SLC4A4: variants seen among roughly 807,000 people sequenced by gnomAD.
The protein encoded by SLC4A4 is electrogenic sodium bicarbonate cotransporter 1.
In SLC4A4, 27 loss-of-function variants were observed where a neutral mutation model predicts 111.5. That is an observed-to-expected ratio of 0.24 (90% confidence interval 0.18 to 0.33). The LOEUF (loss-of-function observed/expected upper bound fraction) is 0.33. Among genes scored for constraint, SLC4A4 ranks in the 10% least tolerant of loss-of-function variants. SLC4A4 has a pLI of 1.00. For missense variants in SLC4A4, 909 were observed against 1,315.5 expected, an observed-to-expected ratio of 0.69 and a Z score of 4.78; for synonymous variants, 443 against 463.4, an observed-to-expected ratio of 0.96 and a Z score of 0.57.
intron 16 of SLC4A4, among the ~76,000 whole-genome samples, chr4:71,518,390 A>G (rs1444009553): frequency 2.0e-5 from 3 of 151,888 alleles, no homozygotes; most frequent in Non-Finnish European, 4.4e-5. Flanking sequence ...CTGACCTGGT[A>G]CTGGGCAAGC....
chr4:71,357,518 G>C (rs1193624634), intron 6 of SLC4A4, among the ~76,000 whole-genome samples: 2 of 152,150 alleles, frequency 1.3e-5, no homozygotes, highest in Admixed American at 1.3e-4. Context: ...AGATTATTGA[G>C]TACCTCTGTG....
intron 6 of SLC4A4, among the ~76,000 whole-genome samples, chr4:71,371,552 C>T (rs770414538): frequency 9.9e-5 from 15 of 152,224 alleles, no homozygotes; most frequent in Non-Finnish European, 1.8e-4. Context: ...CCCAGGAATG[C>T]CTTTTCCAGT....
intron 12 of SLC4A4, among the ~76,000 whole-genome samples, chr4:71,455,382 G>A (rs1351213196): frequency 1.3e-5 from 2 of 152,102 alleles, no homozygotes; most frequent in African/African-American, 2.4e-5. Context: ...ACATTAAATT[G>A]TAGTAGTGAT....
upstream of SLC4A4, among the ~76,000 whole-genome samples, chr4:71,183,331 C>G (rs1025273752): frequency 1.3e-5 from 2 of 152,214 alleles, no homozygotes; most frequent in Non-Finnish European, 2.9e-5. Flanking sequence ...TTGGGACACA[C>G]GTTTAACCAA....
chr4:71,360,338 T>C (rs1049784422), intron 6 of SLC4A4, among the ~76,000 whole-genome samples: 1 of 152,192 alleles, frequency 6.6e-6, no homozygotes, highest in Non-Finnish European at 1.5e-5. Context: ...GCTTGATTTT[T>C]AAATTTTTTT....
chr4:71,311,890 T>TGTGAGAGAGAGAGA (rs1553888177), intron 3 of SLC4A4, among the ~76,000 whole-genome samples: 1 of 76,540 alleles, frequency 1.3e-5, no homozygotes, highest in Admixed American at 1.4e-4. Context: ...TGCAAGGCTG[T>TGTGAGAGAGAGAGA]GAGAGAGAGA....
chr4:71,212,847 G>T (rs1290647993), intron 1 of SLC4A4, among the ~76,000 whole-genome samples: 5 of 152,148 alleles, frequency 3.3e-5, no homozygotes, highest in Non-Finnish European at 5.9e-5. Flanking sequence ...GGTGAGAGAA[G>T]TAAATACAGT....
intron 6 of SLC4A4, among the ~76,000 whole-genome samples, chr4:71,395,395 T>C (rs941338807): frequency 2.6e-5 from 4 of 152,178 alleles, no homozygotes; most frequent in Non-Finnish European, 5.9e-5. Context: ...CAGAGAAAGT[T>C]AGGAGAGGAA....
intron 3 of SLC4A4, among the ~76,000 whole-genome samples, chr4:71,259,503 C>A (rs990550973): frequency 1.3e-5 from 2 of 151,588 alleles, no homozygotes; most frequent in Non-Finnish European, 2.9e-5. Flanking sequence ...GAGAGAGAAG[C>A]TGGGGAAGGA....
Position 71,357,076 on chromosome 4 carries a change from A to T in SLC4A4, c.619A>T (p.Thr207Ser). 1 of 1,614,176 alleles carries T rather than the reference A, an allele frequency of 6.2e-7. No homozygotes were observed. The highest frequency in any genetic ancestry group is 8.5e-7 in the Non-Finnish European group (1 of 1,180,010). The change falls in exon 6 of 26, where the codon ACT becomes TCT. Residue 207 changes from threonine to serine, a missense_variant. Thr to Ser is a moderately conservative substitution (Grantham distance 58). This residue lies in a region of SLC4A4 where 312 missense variants were observed against 402.0 expected (regional missense o/e 0.78). Coordinates refer to ENST00000264485, the MANE Select transcript of SLC4A4 (RefSeq NM_001098484.3). ...TGAACTTAAGGATAAGGTGACCTATACTTTGCTCCGGAAGCACCGGCATCA... is the reference window on the plus strand; with the variant it reads ...TGAACTTAAGGATAAGGTGACCTATTCTTTGCTCCGGAAGCACCGGCATCA... ...KPELKDKVTY[T>S]LLRKHRHQTK...
intron 6 of SLC4A4, among the ~76,000 whole-genome samples, chr4:71,389,929 A>G (rs2148965661): frequency 6.6e-6 from 1 of 152,326 alleles, no homozygotes; most frequent in East Asian, 1.9e-4. Flanking sequence ...AAAAGAAAAT[A>G]AGCAAAAATA....
At chr4:71,157,998 T>A (rs2148975960) in intron 2 of SLC4A4, among the ~76,000 whole-genome samples, 1 of 152,224 alleles carries the variant, frequency 6.6e-6, no homozygotes, top group Non-Finnish European at 1.5e-5. Context: ...CCCTGTTTGC[T>A]ATGGTGTTTA....
chr4:71,095,204 G>A (rs1742506919), intron 2 of SLC4A4, among the ~76,000 whole-genome samples: 1 of 152,192 alleles, frequency 6.6e-6, no homozygotes, highest in South Asian at 2.1e-4. Context: ...TTGGTGAAAT[G>A]CAGTACCTAG....
chr4:71,532,212 T>A, intron 17 of SLC4A4, 37 bp downstream of exon 17: 1 of 1,066,282 alleles, frequency 9.4e-7, no homozygotes, highest in Non-Finnish European at 1.5e-6. Context: ...TTCCTGGAAC[T>A]CTTTTTCTTT....
intron 2 of SLC4A4, among the ~76,000 whole-genome samples, chr4:71,117,465 C>G (rs975777035): frequency 2.1e-4 from 32 of 150,596 alleles, no homozygotes; most frequent in African/African-American, 6.6e-4. Context: ...TTTTAAAATT[C>G]TGAAAGAAAA....
intron 6 of SLC4A4, among the ~76,000 whole-genome samples, chr4:71,375,112 T>C (rs1732229099): frequency 6.6e-6 from 1 of 152,202 alleles, no homozygotes; most frequent in Non-Finnish European, 1.5e-5. Context: ...TCCTTTTGCT[T>C]AGTCTGATCC....
At chr4:71,088,747 G>T (rs532905398) in intron 1 of SLC4A4, among the ~76,000 whole-genome samples, 8 of 152,076 alleles carry the variant, frequency 5.3e-5, no homozygotes, top group African/African-American at 1.9e-4. Context: ...CTCTCTTCTG[G>T]CTTGTGAAGT....
At chr4:71,266,353 G>A (rs1336743076) in intron 3 of SLC4A4, among the ~76,000 whole-genome samples, 3 of 152,168 alleles carry the variant, frequency 2.0e-5, no homozygotes, top group Non-Finnish European at 4.4e-5. Context: ...TTCTGTTAGT[G>A]TTCATAAAAG....
At chr4:71,376,097 G>T (rs182613404) in intron 6 of SLC4A4, among the ~76,000 whole-genome samples, 1 of 146,828 alleles carries the variant, frequency 6.8e-6, no homozygotes, top group Admixed American at 6.9e-5. Context: ...ATATATACGT[G>T]TGTATATATA....
Sources: allele counts gnomAD v4.1 joint callset (sites outside exome capture counted in the v4.1 genomes callset), GRCh38; gene constraint gnomAD v4.1.1; regional missense constraint gnomAD v4.1.1; transcripts MANE v1.5; gene names NCBI Gene and HGNC (gene_info 2026-07-23, HGNC 2026-07-21).